Variants in MYO18A observed in about 807,000 individuals in gnomAD.
MYO18A encodes the protein myosin XVIIIA.
MYO18A carries 78 observed loss-of-function variants against 235.8 expected under a neutral mutation model. That is an observed-to-expected ratio of 0.33 (90% CI 0.28 to 0.40). The LOEUF is 0.40. MYO18A is among the 10% of genes least tolerant of loss of function. The probability of loss-of-function intolerance (pLI) is 1.00; values close to 1 mark genes in which losing one functional copy is unlikely to be tolerated. For missense variants in MYO18A, 2,215 were observed against 2,699.3 expected (o/e 0.82, Z 3.98); for synonymous variants, 977 against 1,077.8 (o/e 0.91, Z 1.83).
rs1265172739 is a variant in MYO18A at position 29,087,848 on chromosome 17, G to A, written c.5527-727C>T. 2.6e-5 allele frequency among the ~76,000 whole-genome samples: 4 copies of A among 151,762 alleles called. No individual in the cohort carries two copies. The East Asian group carries it at 5.8e-4, about 22-fold the overall frequency. On this transcript the variant is annotated intron_variant, in intron 37 of 41. Coordinates refer to ENST00000527372, the MANE Select transcript of MYO18A (RefSeq NM_078471.4). ...ACTCTCTGAGCGGAAGGGAACCTGA[G>A]GGGTAGAGGTGCGGGAAGGGACTAG...
chr17:29,140,470 G>A lies in MYO18A; in HGVS notation c.1000-18217C>T, dbSNP rs1007037482. 4.2e-6 allele frequency: 5 copies of A among 1,192,368 alleles called. No homozygotes were observed. Among genetic ancestry groups the A allele is most frequent in the Non-Finnish European group, 5.3e-6 (5 of 938,358 alleles). 73.9% of individuals were successfully genotyped at this position (1,192,368 alleles called of 1,614,324 possible). ...TCCCGCCCTCTCCCCGGCCCCTCCC[G>A]TCCCGAGCTGCCCAGCCCTAGTTGG... On this transcript the variant is annotated intron_variant, in intron 2 of 41. Transcript: ENST00000527372. This position sits in a 1 kb window ranked among gnomAD's most constrained non-coding sequence, Gnocchi z 4.2.
intron 22 of MYO18A, 31 bp downstream of exon 22, chr17:29,099,603 G>T (rs770474985): frequency 1.6e-5 from 25 of 1,605,052 alleles, no homozygotes; most frequent in Non-Finnish European, 2.1e-5. Flanking sequence ...ATCTAGGTTG[G>T]GGAGGGGGAG....
intron 2 of MYO18A, chr17:29,128,999 G>A (rs1409875539): frequency 1.3e-5 from 16 of 1,247,534 alleles, no homozygotes; most frequent in Middle Eastern, 2.2e-4. Flanking sequence ...TCAAACAGCC[G>A]AGTCCCACCT....
intron 2 of MYO18A, among the ~76,000 whole-genome samples, chr17:29,164,723 G>A (rs1277378320): frequency 6.6e-6 from 1 of 152,202 alleles, no homozygotes; most frequent in Non-Finnish European, 1.5e-5. Flanking sequence ...CTATCTCCAG[G>A]CAGGACATTC....
rs913113601 is a variant in MYO18A, at chr17:29,119,231, G to A, written c.1829+104C>T. The A allele has an allele frequency of 1.6e-5, 13 of 804,308 alleles. No homozygotes were observed. The Admixed American group carries it at 2.3e-4, about 14-fold the overall frequency. The allele number at this position is 804,308 out of a possible 1,614,324, so 49.8% of individuals were successfully genotyped here. On this transcript the variant is annotated intron_variant, in intron 8 of 41. Transcript: ENST00000527372. ...AGACATGCACTGACCAAACAGTGCA[G>A]GATGCGATCAAGTGGCTTTAATTCT...
At chr17:29,150,490 T>C (rs2067943256) in intron 2 of MYO18A, among the ~76,000 whole-genome samples, 1 of 152,172 alleles carries the variant, frequency 6.6e-6, no homozygotes, top group African/African-American at 2.4e-5. Context: ...GGTGTAGAAA[T>C]TGCCAGAGAG....
intron 28 of MYO18A, 143 bp downstream of exon 28, chr17:29,096,618 C>G: frequency 9.1e-7 from 1 of 1,103,188 alleles, no homozygotes; most frequent in Non-Finnish European, 1.2e-6. Context: ...GGCCCCTTCA[C>G]GTTCCAAGAT....
chr17:29,140,486 C>T lies in MYO18A; in HGVS notation c.1000-18233G>A, dbSNP rs747375989. 3.5e-6 allele frequency: 4 copies of T among 1,151,876 alleles called. No homozygotes were observed. The highest frequency in any genetic ancestry group is 4.4e-6 in the Non-Finnish European group (4 of 909,800). The allele number at this position is 1,151,876 out of a possible 1,614,324, so 71.4% of individuals were successfully genotyped here. On this transcript the variant is annotated intron_variant, in intron 2 of 41. Coordinates refer to ENST00000527372, the MANE Select transcript of MYO18A (RefSeq NM_078471.4). The surrounding 1 kb of genome is among the most constrained non-coding windows in gnomAD (Gnocchi z 4.2). Reference sequence around the variant, plus strand: ...GCCCCTCCCGTCCCGAGCTGCCCAGCCCTAGTTGGAGCCAGCAGCCCGGAG... The same window carrying T: ...GCCCCTCCCGTCCCGAGCTGCCCAGTCCTAGTTGGAGCCAGCAGCCCGGAG...
chr17:29,115,478 C>T (rs770302469), intron 12 of MYO18A, 37 bp from the exon 13 acceptor site: 4 of 1,598,186 alleles, frequency 2.5e-6, no homozygotes, highest in East Asian at 2.3e-5. Context: ...CTCCTTCTCC[C>T]CAGGGCTCCC....
At chr17:29,079,512 T>C (rs1053033567) in intron 41 of MYO18A, among the ~76,000 whole-genome samples, 2 of 152,306 alleles carry the variant, frequency 1.3e-5, no homozygotes, top group Middle Eastern at 3.4e-3. Flanking sequence ...AGCTATGACA[T>C]CACCAGCGAG....
intron 2 of MYO18A, chr17:29,131,526 G>T: frequency 1.5e-6 from 1 of 675,762 alleles, no homozygotes; most frequent in Non-Finnish European, 1.8e-6. Context: ...CATTCAAGGG[G>T]CCTCCCTCAC....
At chr17:29,136,012 G>A (rs1037330945) in intron 2 of MYO18A, among the ~76,000 whole-genome samples, 12 of 152,254 alleles carry the variant, frequency 7.9e-5, no homozygotes, top group Non-Finnish European at 1.8e-4. Context: ...TGGATTACTT[G>A]AGCTCAGGAG....
intron 15 of MYO18A, among the ~76,000 whole-genome samples, chr17:29,113,661 A>G (rs117839258): frequency 0.027 from 4,184 of 152,272 alleles, 74 homozygotes; most frequent in Non-Finnish European, 0.035. Flanking sequence ...ACTGGTCACC[A>G]GGGCTCCTAG....
chr17:29,080,575 C>T (rs1055510044), intron 41 of MYO18A: 10 of 985,762 alleles, frequency 1.0e-5, no homozygotes, highest in African/African-American at 1.7e-5. Context: ...GGTGCTGCGG[C>T]GGGAACCGGG....
chr17:29,161,093 G>A (rs1034616608), intron 2 of MYO18A, among the ~76,000 whole-genome samples: 39 of 152,234 alleles, frequency 2.6e-4, no homozygotes, highest in Middle Eastern at 6.8e-3. Flanking sequence ...GGTGGCTCAC[G>A]CCTATAATCC....
Position 29,096,632 on chromosome 17 carries a change from T to C in MYO18A, c.4385+129A>G, listed in dbSNP as rs1055006272. On this transcript the variant is annotated intron_variant, in intron 28 of 41. Coordinates refer to ENST00000527372, the MANE Select transcript of MYO18A (RefSeq NM_078471.4). Reference sequence around the variant, plus strand: ...GGGCCCCTTCACGTTCCAAGATGAGTGACCAGGCAAGCAAGGCCCCTGGAC... The same window carrying C: ...GGGCCCCTTCACGTTCCAAGATGAGCGACCAGGCAAGCAAGGCCCCTGGAC... The C allele has an allele frequency of 8.3e-6, 10 of 1,207,636 alleles. No individual in the cohort carries two copies. In the African/African-American group the frequency reaches 1.6e-4, roughly 19 times the overall value. 74.8% of individuals were successfully genotyped at this position (1,207,636 alleles called of 1,614,324 possible).
chr17:29,124,594 G>T, intron 2 of MYO18A: 1 of 1,205,874 alleles, frequency 8.3e-7, no homozygotes, highest in South Asian at 1.4e-5. Flanking sequence ...GCAGGCCAGT[G>T]GGGCTAGGTG....
intron 20 of MYO18A, among the ~76,000 whole-genome samples, chr17:29,104,567 T>C (rs929346616): frequency 3.9e-5 from 6 of 152,042 alleles, no homozygotes; most frequent in African/African-American, 1.5e-4. Flanking sequence ...GATAGAAATG[T>C]ATGTCTGGAG....
chr17:29,097,347 C>T lies in MYO18A; in HGVS notation c.4106G>A (p.Gly1369Asp). The T allele has an allele frequency of 6.2e-7, 1 of 1,608,390 alleles. No individual in the cohort carries two copies. The highest frequency in any genetic ancestry group is 2.2e-5 in the East Asian group (1 of 44,878). The change falls in exon 27 of 42, where the codon GGC (glycine) becomes GAC (aspartate). Residue 1369 changes from glycine to aspartate, a missense_variant. Transcript: ENST00000527372. ...NGEVDDDDAG[G>D]EWRLKYERAV... ...CCGCTCATACTTCAGCCGCCACTCG[C>T]CACCTGTGGGGTTGAGGCAGACAAG...
Sources: allele counts gnomAD v4.1 joint callset (sites outside exome capture counted in the v4.1 genomes callset), GRCh38; gene constraint gnomAD v4.1.1; non-coding constraint Gnocchi (gnomAD v3.1); transcripts MANE v1.5; gene names NCBI Gene and HGNC (gene_info 2026-07-23, HGNC 2026-07-21).